The following CFAP52 variants were observed in gnomAD, a reference collection of about 807,000 sequenced individuals.
The protein encoded by CFAP52 is cilia and flagella associated protein 52.
CFAP52 carries 57 observed loss-of-function variants against 70.5 expected under a neutral mutation model. That is an observed-to-expected ratio of 0.81 (90% CI 0.65 to 1.01). CFAP52 has a LOEUF of 1.01. Ranked by LOEUF, CFAP52 falls within the 50% of genes least tolerant of loss-of-function variation. The pLI is 0.00. For missense variants in CFAP52, 785 were observed against 788.5 expected (o/e 1.00, Z 0.05); for synonymous variants, 267 against 292.5 (o/e 0.91, Z 0.89).
intron 8 of CFAP52, among the ~76,000 whole-genome samples, chr17:9,627,629 A>G (rs1397427690): frequency 6.6e-6 from 1 of 152,196 alleles, no homozygotes; most frequent in Non-Finnish European, 1.5e-5. Flanking sequence ...ATAGGTGTCG[A>G]CTTATCTTCA....
chr17:9,576,746 C>G lies in CFAP52; in HGVS notation c.51C>G (p.Asp17Glu). The G allele has an allele frequency of 6.2e-7, 1 of 1,612,356 alleles. No individual in the cohort carries two copies. The highest frequency in any genetic ancestry group is 8.5e-7 in the Non-Finnish European group (1 of 1,179,190). ...PEAQVAELEL[D>E]AVIGFNGHVP... The stretch of plus-strand genomic sequence containing the variant: ...CCCAAGTGGCGGAGCTGGAACTTGA[C>G]GCCGTGATCGGCTTCAATGGTGAGG... Residue 17 changes from aspartate to glutamate, a missense_variant, in exon 1 of 14, where the codon GAC becomes GAG. Coordinates refer to ENST00000352665, the MANE Select transcript of CFAP52 (RefSeq NM_145054.5).
chr17:9,577,797 A>G (rs35309856), intron 1 of CFAP52, among the ~76,000 whole-genome samples: 30,696 of 152,120 alleles, frequency 0.2, 3,361 homozygotes, highest in South Asian at 0.27. Context: ...CACACATAGA[A>G]CTCTGCAACT....
chr17:9,578,660 C>T (rs536360083), intron 1 of CFAP52, among the ~76,000 whole-genome samples: 1 of 152,316 alleles, frequency 6.6e-6, no homozygotes, highest in Admixed American at 6.5e-5. Context: ...ATTCTCCTGC[C>T]TCAGCCTCCA....
intron 3 of CFAP52, chr17:9,589,775 A>T (rs1465141214): frequency 7.1e-6 from 1 of 140,468 alleles, no homozygotes; most frequent in East Asian, 2.1e-4. Context: ...GTATCCAGAA[A>T]TCCCCTGTTA....
At chr17:9,642,473 A>T (rs1172937509) in intron 13 of CFAP52, among the ~76,000 whole-genome samples, 3 of 152,088 alleles carry the variant, frequency 2.0e-5, no homozygotes, top group African/African-American at 2.4e-5. Context: ...AAAACACAAA[A>T]ATTAGCCGGG....
In CFAP52 at chr17:9,612,321, A is replaced by G; in HGVS notation, c.867A>G (p.Leu289=). 1.9e-6 allele frequency: 3 copies of G among 1,614,114 alleles called. No individual in the cohort carries two copies. Among genetic ancestry groups the G allele is most frequent in the African/African-American group, 2.7e-5 (2 of 75,074 alleles). Residue 289 remains leucine, a synonymous_variant, in exon 8 of 14, where the codon TTA becomes TTG. Coordinates refer to ENST00000352665, the MANE Select transcript of CFAP52 (RefSeq NM_145054.5). ...PGYKPIKKIQ[L]QGGITSITLR... ...CTTCTCCCTAAAGGAAGATTCAGTT[A>G]CAAGGCGGCATCACTTCTATCACAC... is the stretch of plus-strand genomic sequence containing the variant.
At chr17:9,592,784 C>T (rs1908822519) in intron 3 of CFAP52, among the ~76,000 whole-genome samples, 1 of 152,150 alleles carries the variant, frequency 6.6e-6, no homozygotes, top group Non-Finnish European at 1.5e-5. Context: ...TGAGTCATTT[C>T]CACTTCTAAA....
chr17:9,614,402 C>A (rs1189328578), intron 8 of CFAP52, among the ~76,000 whole-genome samples: 1 of 152,118 alleles, frequency 6.6e-6, no homozygotes, highest in African/African-American at 2.4e-5. Flanking sequence ...GTGATCCACC[C>A]GCCTTGGCCT....
chr17:9,613,375 A>C (rs1199460230), intron 8 of CFAP52, among the ~76,000 whole-genome samples: 1 of 151,952 alleles, frequency 6.6e-6, no homozygotes, highest in African/African-American at 2.4e-5. Context: ...GATTCATTTC[A>C]TGAAGTTGGT....
intron 6 of CFAP52, among the ~76,000 whole-genome samples, chr17:9,604,731 C>T (rs1909410920): frequency 6.7e-6 from 1 of 150,078 alleles, no homozygotes; most frequent in Non-Finnish European, 1.5e-5. Flanking sequence ...GCCTGGGGGA[C>T]ACAGCAAGAC....
chr17:9,590,686 G>A (rs898029016), intron 3 of CFAP52, among the ~76,000 whole-genome samples: 2 of 152,134 alleles, frequency 1.3e-5, no homozygotes, highest in African/African-American at 4.8e-5. Context: ...TAGGTCTTGC[G>A]GGGAAAATGG....
chr17:9,602,282 C>G (rs946261853), intron 6 of CFAP52, among the ~76,000 whole-genome samples: 5 of 152,114 alleles, frequency 3.3e-5, no homozygotes, highest in Non-Finnish European at 7.3e-5. Context: ...TTCTAGCCCC[C>G]ACCCCTGACA....
intron 6 of CFAP52, among the ~76,000 whole-genome samples, chr17:9,606,085 A>G (rs567708123): frequency 1.3e-5 from 2 of 152,306 alleles, no homozygotes; most frequent in East Asian, 3.9e-4. Context: ...AAAATAGCCT[A>G]GTAAAAACAA....
intron 2 of CFAP52, 124 bp from the exon 3 acceptor site, chr17:9,586,574 A>C: frequency 7.7e-7 from 1 of 1,293,784 alleles, no homozygotes; most frequent in Non-Finnish European, 1.0e-6. Context: ...TCAACAAAAA[A>C]AAAAAAAAAA....
intron 1 of CFAP52, among the ~76,000 whole-genome samples, chr17:9,579,574 A>C (rs1908119131): frequency 6.6e-6 from 1 of 152,018 alleles, no homozygotes; most frequent in African/African-American, 2.4e-5. Context: ...ATTCAACTTG[A>C]ATTTTGTTTT....
chr17:9,588,169 A>G (rs778132345), intron 3 of CFAP52, among the ~76,000 whole-genome samples: 35 of 152,222 alleles, frequency 2.3e-4, no homozygotes, highest in Non-Finnish European at 4.6e-4. Context: ...GTGCAGGCGT[A>G]TAATTCCACT....
chr17:9,593,675 C>G (rs561206001), intron 3 of CFAP52, among the ~76,000 whole-genome samples: 1 of 152,216 alleles, frequency 6.6e-6, no homozygotes, highest in South Asian at 2.1e-4. Context: ...AGGTTGGTCT[C>G]AAACTCCTGA....
Position 9,643,103 on chromosome 17 carries a change from A to T in CFAP52, c.1768A>T (p.Ile590Phe). 6.2e-7 allele frequency: 1 copy of T among 1,613,904 alleles called. No homozygotes were observed. The highest frequency in any genetic ancestry group is 8.5e-7 in the Non-Finnish European group (1 of 1,179,918). Reference sequence around the variant, plus strand: ...CGTTGGGGTGGGACACAGTGGCAACATCACACGCATCCGCATAAGTCCAGG... The same window carrying T: ...CGTTGGGGTGGGACACAGTGGCAACTTCACACGCATCCGCATAAGTCCAGG... The part of the protein sequence containing the change: ...THVGVGHSGN[I>F]TRIRISPGNQ... The change falls in exon 14 of 14, where the codon ATC (isoleucine) becomes TTC (phenylalanine). Residue 590 changes from isoleucine (I) to phenylalanine (F), a missense_variant. Ile to Phe is a conservative substitution (Grantham distance 21). Transcript: ENST00000352665.
At chr17:9,592,534 C>T (rs764064459) in intron 3 of CFAP52, among the ~76,000 whole-genome samples, 4 of 151,652 alleles carry the variant, frequency 2.6e-5, no homozygotes, top group Non-Finnish European at 5.9e-5. Flanking sequence ...CCCTCCTCCT[C>T]CAAGCCCCAG....
Sources: allele counts gnomAD v4.1 joint callset (sites outside exome capture counted in the v4.1 genomes callset), GRCh38; gene constraint gnomAD v4.1.1; transcripts MANE v1.5; gene names NCBI Gene and HGNC (gene_info 2026-07-23, HGNC 2026-07-21).